MFSD8: variants seen among roughly 807,000 people sequenced by gnomAD.
MFSD8 encodes major facilitator superfamily domain containing 8, also known as major facilitator superfamily domain-containing protein 8.
Under a neutral mutation model 66.4 loss-of-function variants are expected in MFSD8, and 55 were observed. The observed-to-expected ratio is 0.83, with a 90% CI of 0.67 to 1.04. The LOEUF (loss-of-function observed/expected upper bound fraction) is 1.04. MFSD8 is among the 50% of genes least tolerant of loss of function. The probability of loss-of-function intolerance (pLI) is 0.00; values close to 1 mark genes in which losing one functional copy is unlikely to be tolerated. For missense variants in MFSD8, 550 were observed against 627.6 expected (o/e 0.88, Z 1.32); for synonymous variants, 202 against 212.8 (o/e 0.95, Z 0.44).
chr4:127,953,543 G>GTTTTT lies in MFSD8; in HGVS notation c.155-3701_155-3697dup, dbSNP rs952826538. 2.7e-4 allele frequency among the ~76,000 whole-genome samples: 18 copies of GTTTTT among 67,032 alleles called. 1 individual carries two copies. The highest frequency in any genetic ancestry group is 3.7e-4 in the Non-Finnish European group (13 of 34,954). The allele number at this position is 67,032 out of a possible 152,430, so 44.0% of individuals were successfully genotyped here. On this transcript the variant is annotated intron_variant, in intron 2 of 11. Transcript: ENST00000641686. Reference sequence around the variant, plus strand: ...TTCTGATATTTGCACAAGGCATTCTGTTTTTTTTTTTTTTTTTTTTTTTTT... The same window carrying GTTTTT: ...TTCTGATATTTGCACAAGGCATTCTGTTTTTTTTTTTTTTTTTTTTTTTTTTTTTT...
chr4:127,963,881 G>A (rs984278457), intron 1 of MFSD8, among the ~76,000 whole-genome samples: 1 of 152,110 alleles, frequency 6.6e-6, no homozygotes, highest in Non-Finnish European at 1.5e-5. Flanking sequence ...TTGACAGGGC[G>A]CTGATTGGTG....
chr4:127,943,390 G>GTT (rs1007166099), intron 4 of MFSD8: 242 of 197,128 alleles, frequency 1.2e-3, no homozygotes, highest in South Asian at 2.4e-3. Flanking sequence ...TTTGTTTTGG[G>GTT]TTTTTTTTTT....
At position 127,935,683 on chromosome 4, in the gene MFSD8, A is replaced by T. The variant is rs78547412; in HGVS notation, c.755-2590T>A. Among the ~76,000 whole-genome samples the T allele has an allele frequency of 5.2e-3, 785 of 152,330 alleles. 8 individuals carry two copies. Among genetic ancestry groups the T allele is most frequent in the African/African-American group, 0.018 (757 of 41,570 alleles). Reference sequence around the variant, plus strand: ...CTAAACTCATTCCCATTTGTACTTTAGAACAGTGCTGCCCAACAGAACTGT... The same window carrying T: ...CTAAACTCATTCCCATTTGTACTTTTGAACAGTGCTGCCCAACAGAACTGT... On this transcript the variant is annotated intron_variant, in intron 7 of 11. Transcript: ENST00000641686.
intron 3 of MFSD8, among the ~76,000 whole-genome samples, chr4:127,947,077 ATTG>A (rs1368807547): frequency 6.6e-6 from 1 of 151,914 alleles, no homozygotes; most frequent in Non-Finnish European, 1.5e-5. Context: ...TCTGACCCAA[ATTG>A]TTGTGAGGGA....
intron 9 of MFSD8, among the ~76,000 whole-genome samples, chr4:127,927,508 T>C (rs932405088): frequency 1.3e-5 from 2 of 152,204 alleles, no homozygotes; most frequent in Admixed American, 6.5e-5. Context: ...TTTCAACTTA[T>C]GATGATCAGT....
intron 9 of MFSD8, among the ~76,000 whole-genome samples, chr4:127,927,547 A>G (rs1391726445): frequency 6.6e-6 from 1 of 152,238 alleles, no homozygotes; most frequent in African/African-American, 2.4e-5. Flanking sequence ...ATTGCAAGTT[A>G]AAGAGTATCT....
In MFSD8 at chr4:127,933,105, T is replaced by C; in HGVS notation, c.755-12A>G. 2.5e-6 allele frequency: 4 copies of C among 1,603,504 alleles called. No individual in the cohort carries two copies. Among genetic ancestry groups the C allele is most frequent in the Non-Finnish European group, 3.4e-6 (4 of 1,170,610 alleles). ...TTCATCTGTACTTGCTATAGGGAAA[T>C]AGGAGAAAAATTACATTACCTATAC... On this transcript the variant is annotated splice_polypyrimidine_tract_variant and intron_variant, in intron 7 of 11. Coordinates refer to ENST00000641686, the MANE Select transcript of MFSD8 (RefSeq NM_001371596.2).
chr4:127,946,070 G>T (rs1740981953), intron 3 of MFSD8, among the ~76,000 whole-genome samples: 1 of 151,916 alleles, frequency 6.6e-6, no homozygotes, highest in Non-Finnish European at 1.5e-5. Flanking sequence ...ACAGGGAGTA[G>T]CACCACCATA....
At chr4:127,963,489 C>G (rs901283195) in intron 1 of MFSD8, among the ~76,000 whole-genome samples, 1 of 152,114 alleles carries the variant, frequency 6.6e-6, no homozygotes, top group African/African-American at 2.4e-5. Context: ...GAGTTTGTTC[C>G]TTCTGATGCT....
chr4:127,926,416 T>A (rs1374996911), intron 9 of MFSD8, among the ~76,000 whole-genome samples: 2 of 150,262 alleles, frequency 1.3e-5, no homozygotes, highest in African/African-American at 4.9e-5. Context: ...AAATACAACA[T>A]TTCCCCACTT....
intron 5 of MFSD8, among the ~76,000 whole-genome samples, 192 bp downstream of exon 5, chr4:127,941,853 C>G (rs1321252007): frequency 6.6e-6 from 1 of 152,036 alleles, no homozygotes; most frequent in East Asian, 1.9e-4. Flanking sequence ...TAAAAGGGGA[C>G]TAATAGCACT....
intron 9 of MFSD8, among the ~76,000 whole-genome samples, chr4:127,928,662 C>T (rs1010646280): frequency 2.6e-5 from 4 of 152,118 alleles, no homozygotes; most frequent in Non-Finnish European, 5.9e-5. Context: ...ATTAGTAAAA[C>T]CACTATGGAA....
Position 127,920,765 on chromosome 4 carries a change from T to C in MFSD8, c.1422A>G (p.Gln474=). The C allele has an allele frequency of 6.2e-7, 1 of 1,614,114 alleles. No homozygotes were observed. Among genetic ancestry groups the C allele is most frequent in the South Asian group, 1.1e-5 (1 of 91,076 alleles). ...ATCGTGGTCCCCAGTGAGCATACAC[T>C]TGGCTGATGAACATAGGCCCAAGAA... ...ARILGPMFIS[Q]VYAHWGPRWA... is the part of the protein sequence containing the mutation. The change falls in exon 12 of 12, where the codon CAA becomes CAG. Residue 474 remains glutamine, a synonymous_variant. Transcript: ENST00000641686.
At chr4:127,958,805 T>C (rs1446175584) in intron 1 of MFSD8, among the ~76,000 whole-genome samples, 1 of 152,190 alleles carries the variant, frequency 6.6e-6, no homozygotes, top group Non-Finnish European at 1.5e-5. Flanking sequence ...GAGTGACTGA[T>C]TTAGAGCTCA....
intron 9 of MFSD8, among the ~76,000 whole-genome samples, chr4:127,923,175 G>A (rs572075572): frequency 6.6e-6 from 1 of 152,306 alleles, no homozygotes; most frequent in East Asian, 1.9e-4. Flanking sequence ...TTGAACAGGA[G>A]AGGTGAGAGA....
At chr4:127,930,204 C>T (rs971582624) in intron 9 of MFSD8, among the ~76,000 whole-genome samples, 7 of 151,786 alleles carry the variant, frequency 4.6e-5, no homozygotes, top group Non-Finnish European at 7.4e-5. Flanking sequence ...TGCACCACTG[C>T]ATTCCAGTAT....
chr4:127,959,678 G>A (rs1743434071), intron 1 of MFSD8, among the ~76,000 whole-genome samples: 1 of 152,092 alleles, frequency 6.6e-6, no homozygotes, highest in Admixed American at 6.6e-5. Flanking sequence ...GTGTGGAAAA[G>A]GCTAACAGTT....
intron 3 of MFSD8, among the ~76,000 whole-genome samples, chr4:127,946,513 A>G (rs1450627518): frequency 1.3e-5 from 2 of 152,256 alleles, no homozygotes; most frequent in Admixed American, 6.5e-5. Context: ...TTTTCAAAAT[A>G]GCAATGAAAA....
chr4:127,930,586 TTTAAA>T lies in MFSD8; in HGVS notation c.998+92_998+96del. On this transcript the variant is annotated intron_variant, in intron 9 of 11. Coordinates refer to ENST00000641686, the MANE Select transcript of MFSD8 (RefSeq NM_001371596.2). ...TGTAAATTTGTGTGCAAAAAAAAGC[TTTAAA>T]TTATTTTCCTGGTATATCCATTTGC... 2.9e-6 allele frequency: 4 copies of T among 1,362,954 alleles called. No individual in the cohort carries two copies. The South Asian group carries it at 5.1e-5, about 17-fold the overall frequency. The allele number at this position is 1,362,954 out of a possible 1,614,324, so 84.4% of individuals were successfully genotyped here.
Sources: gnomAD v4.1 joint callset for allele counts (sites outside exome capture counted in the v4.1 genomes callset) on GRCh38, gnomAD v4.1.1 for gene constraint, MANE v1.5 for transcripts, NCBI Gene and HGNC (gene_info 2026-07-23, HGNC 2026-07-21) for gene names.